The following HNF4G variants were observed in gnomAD, a reference collection of about 807,000 sequenced individuals.
HNF4G encodes the protein hepatocyte nuclear factor 4-gamma.
In HNF4G, 21 loss-of-function variants were observed where a neutral mutation model predicts 50.9. The ratio of observed to expected loss-of-function variants is 0.41; its 90% CI spans 0.29 to 0.59. The LOEUF is 0.59. HNF4G is among the 20% of genes least tolerant of loss of function. HNF4G has a pLI of 0.26. For missense variants in HNF4G, 527 were observed against 559.4 expected (o/e 0.94, Z 0.58); for synonymous variants, 198 against 185.6 (o/e 1.07, Z -0.54).
intron 9 of HNF4G, among the ~76,000 whole-genome samples, chr8:75,562,533 G>A (rs1563557136): frequency 6.6e-6 from 1 of 152,042 alleles, no homozygotes; most frequent in African/African-American, 2.4e-5. Context: ...GTCTCTTAAA[G>A]ATCAGTTATT....
intron 2 of HNF4G, among the ~76,000 whole-genome samples, chr8:75,491,929 A>G (rs150039891): frequency 2.4e-4 from 37 of 152,306 alleles, no homozygotes; most frequent in Non-Finnish European, 4.6e-4. Flanking sequence ...CTTGCCCCAA[A>G]CAAGTGGTTT....
intron 1 of HNF4G, among the ~76,000 whole-genome samples, chr8:75,450,314 T>C (rs1224337999): frequency 6.6e-6 from 1 of 152,218 alleles, no homozygotes; most frequent in African/African-American, 2.4e-5. Context: ...GCAATGAATA[T>C]GGGTGTGTTT....
At chr8:75,443,445 C>A (rs912722875) in intron 1 of HNF4G, among the ~76,000 whole-genome samples, 3 of 152,062 alleles carry the variant, frequency 2.0e-5, no homozygotes, top group Non-Finnish European at 4.4e-5. Flanking sequence ...AAAAGGATAA[C>A]AAGTTATACG....
chr8:75,504,576 T>C (rs955798857), intron 2 of HNF4G, among the ~76,000 whole-genome samples: 4 of 152,184 alleles, frequency 2.6e-5, no homozygotes, highest in Non-Finnish European at 1.5e-5. Flanking sequence ...ATATTAATTA[T>C]CTGCAACACA....
At chr8:75,435,490 T>A (rs990756700) in intron 1 of HNF4G, among the ~76,000 whole-genome samples, 3 of 152,332 alleles carry the variant, frequency 2.0e-5, no homozygotes, top group Non-Finnish European at 4.4e-5. Context: ...AAATCAATGA[T>A]GCCTGTTTTC....
intron 1 of HNF4G, among the ~76,000 whole-genome samples, chr8:75,452,978 A>T (rs765177464): frequency 6.6e-6 from 1 of 152,236 alleles, no homozygotes; most frequent in African/African-American, 2.4e-5. Context: ...ATTAATGAGG[A>T]AATGAATGAT....
intron 2 of HNF4G, among the ~76,000 whole-genome samples, chr8:75,545,881 A>G (rs979784710): frequency 6.6e-6 from 1 of 152,036 alleles, no homozygotes; most frequent in Non-Finnish European, 1.5e-5. Context: ...TTTAATGTTA[A>G]TTGAATGCAT....
chr8:75,442,179 C>A (rs1044385974), intron 1 of HNF4G, among the ~76,000 whole-genome samples: 1 of 151,984 alleles, frequency 6.6e-6, no homozygotes. Context: ...GTTATTATCA[C>A]AGGATAGAAA....
In HNF4G at chr8:75,540,067, A is replaced by T; in HGVS notation, c.105A>T (p.Leu35=). 1 of 1,558,812 alleles carries T rather than the reference A, an allele frequency of 6.4e-7. No individual in the cohort carries two copies. The highest frequency in any genetic ancestry group is 8.8e-7 in the Non-Finnish European group (1 of 1,130,220). The change falls in exon 1 of 10, where the codon CTA becomes CTT. Residue 35 remains leucine, a synonymous_variant. Transcript: ENST00000396423. Reference sequence around the variant, plus strand: ...TGGAGTTTGAAACTATGCAGATTCTATATAATTCAAGTGGTGAGTTATCAT... The same window carrying T: ...TGGAGTTTGAAACTATGCAGATTCTTTATAATTCAAGTGGTGAGTTATCAT... ...TTLEFETMQI[L]YNSSDSSAPE...
rs1812783170 is a variant in HNF4G, at chr8:75,496,872, AAAGTTTTGT to A, written c.-24+6665_-24+6673del. On this transcript the variant is annotated intron_variant, in intron 2 of 10. Coordinates refer to the HNF4G transcript ENST00000354370. Reference sequence around the variant, plus strand: ...TGTGCTATGTCTCTGATGACTGTCTAAAGTTTTGTGACTATGAGAAATGCAGTTTTTGGA... The same window carrying A: ...TGTGCTATGTCTCTGATGACTGTCTAGACTATGAGAAATGCAGTTTTTGGA... Among the ~76,000 whole-genome samples, 3 of 152,084 alleles carry A rather than the reference AAAGTTTTGT, an allele frequency of 2.0e-5. No homozygotes were observed. In the South Asian group the frequency reaches 6.2e-4, roughly 31 times the overall value.
At chr8:75,449,663 C>T (rs577246396) in intron 1 of HNF4G, among the ~76,000 whole-genome samples, 18 of 151,856 alleles carry the variant, frequency 1.2e-4, no homozygotes, top group South Asian at 1.0e-3. Context: ...CCCGCCACCA[C>T]GCCAGGCTAA....
chr8:75,484,621 G>C (rs1563524514), intron 1 of HNF4G, among the ~76,000 whole-genome samples: 1 of 152,126 alleles, frequency 6.6e-6, no homozygotes, highest in Non-Finnish European at 1.5e-5. Flanking sequence ...TTCCTTCATG[G>C]TATATATTAT....
chr8:75,506,255 T>C (rs1813076707), intron 2 of HNF4G, among the ~76,000 whole-genome samples: 2 of 152,162 alleles, frequency 1.3e-5, no homozygotes, highest in South Asian at 4.1e-4. Flanking sequence ...TGTCAAAAAA[T>C]GTAAAGCTAA....
intron 1 of HNF4G, among the ~76,000 whole-genome samples, chr8:75,430,485 A>AGAGAGAGAGAGAGAGAGG (rs1183667940): frequency 3.3e-5 from 5 of 149,762 alleles, no homozygotes; most frequent in Non-Finnish European, 7.4e-5. Flanking sequence ...AGAGAGAGAG[A>AGAGAGAGAGAGAGAGAGG]GAGAGAGAGA....
At chr8:75,530,401 G>C (rs927918655) in intron 2 of HNF4G, among the ~76,000 whole-genome samples, 1 of 148,980 alleles carries the variant, frequency 6.7e-6, no homozygotes, top group African/African-American at 2.5e-5. Flanking sequence ...GGCAGATCTG[G>C]ATATGAAGGT....
Position 75,556,018 on chromosome 8 carries a change from C to T in HNF4G, c.682C>T (p.Leu228=), listed in dbSNP as rs1807110464. 6.3e-7 allele frequency: 1 copy of T among 1,586,030 alleles called. No homozygotes were observed. Among genetic ancestry groups the T allele is most frequent in the African/African-American group, 1.4e-5 (1 of 73,594 alleles). ...LLRAHAGEHL[L]LGATKRSMMY... ...GAGAGCTCACGCAGGGGAGCACTTA[C>T]TGCTTGGAGCTACAAAGAGATCCAT... Residue 228 remains leucine (L), a synonymous_variant, in exon 6 of 10, where the codon CTG becomes TTG. Coordinates refer to ENST00000396423, the MANE Select transcript of HNF4G (RefSeq NM_004133.5).
intron 2 of HNF4G, among the ~76,000 whole-genome samples, chr8:75,498,688 GA>G (rs1180858011): frequency 2.0e-5 from 3 of 151,368 alleles, no homozygotes; most frequent in Non-Finnish European, 3.0e-5. Context: ...TACAACAACA[GA>G]AAAAAAGGAT....
At chr8:75,411,489 C>A (rs1810502468) in intron 1 of HNF4G, among the ~76,000 whole-genome samples, 1 of 152,208 alleles carries the variant, frequency 6.6e-6, no homozygotes, top group Admixed American at 6.5e-5. Context: ...GCCTTATTGC[C>A]TGTTCTTCCC....
chr8:75,502,447 A>T lies in HNF4G; in HGVS notation c.-24+12239A>T, dbSNP rs180907870. ...ATTTTAGGTAAATGTTAATTTTAATATGTAAAGAGATTTTATCAAGTGACA... is the reference window on the plus strand; with the variant it reads ...ATTTTAGGTAAATGTTAATTTTAATTTGTAAAGAGATTTTATCAAGTGACA... On this transcript the variant is annotated intron_variant, in intron 2 of 10. Coordinates refer to the HNF4G transcript ENST00000354370. Among the ~76,000 whole-genome samples the T allele has an allele frequency of 7.0e-4, 106 of 152,310 alleles. 2 individuals carry two copies. The East Asian group carries it at 0.015, about 22-fold the overall frequency.
Sources: gnomAD v4.1 joint callset for allele counts (sites outside exome capture counted in the v4.1 genomes callset) on GRCh38, gnomAD v4.1.1 for gene constraint, MANE v1.5 for transcripts, NCBI Gene and HGNC (gene_info 2026-07-23, HGNC 2026-07-21) for gene names.